WWOX: variants seen among roughly 807,000 people sequenced by gnomAD.
The protein encoded by WWOX is WW domain-containing oxidoreductase.
In WWOX, 69 loss-of-function variants were observed where a neutral mutation model predicts 46.2. That is an observed-to-expected ratio of 1.49 (90% confidence interval 1.23 to 1.82). WWOX has a LOEUF of 1.82. WWOX is among the 40% of genes most tolerant of loss of function. The probability of loss-of-function intolerance (pLI) is 0.00; values close to 1 mark genes in which losing one functional copy is unlikely to be tolerated. For missense variants in WWOX, 919 were observed against 542.6 expected (o/e 1.69, Z -6.89); for synonymous variants, 359 against 202.6 (o/e 1.77, Z -6.56).
chr16:78,576,885 G>A (rs1327158067), intron 8 of WWOX, among the ~76,000 whole-genome samples: 1 of 152,082 alleles, frequency 6.6e-6, no homozygotes, highest in South Asian at 2.1e-4. Context: ...TCCTTCTAAG[G>A]CTAACATTTC....
At chr16:78,744,133 C>T (rs1392939300) in intron 8 of WWOX, among the ~76,000 whole-genome samples, 1 of 152,070 alleles carries the variant, frequency 6.6e-6, no homozygotes, top group African/African-American at 2.4e-5. Flanking sequence ...GCTCTGAGAA[C>T]ACAGTAAACA....
At chr16:78,116,448 A>G (rs924610000) in intron 4 of WWOX, among the ~76,000 whole-genome samples, 1 of 152,176 alleles carries the variant, frequency 6.6e-6, no homozygotes, top group Non-Finnish European at 1.5e-5. Context: ...TTTTTACTGT[A>G]CTTGCCTATG....
At chr16:78,292,828 A>G (rs548422859) in intron 5 of WWOX, among the ~76,000 whole-genome samples, 2 of 152,316 alleles carry the variant, frequency 1.3e-5, no homozygotes, top group South Asian at 4.1e-4. Context: ...TCATTAAAAT[A>G]CTTTGTAAGG....
chr16:78,771,719 C>T (rs536402555), intron 8 of WWOX, among the ~76,000 whole-genome samples: 194 of 152,030 alleles, frequency 1.3e-3, no homozygotes, highest in Middle Eastern at 3.4e-3. Flanking sequence ...TTGCAGTGAG[C>T]CAAGATTGTG....
At chr16:78,368,355 C>A (rs779932664) in intron 5 of WWOX, among the ~76,000 whole-genome samples, 4 of 152,212 alleles carry the variant, frequency 2.6e-5, no homozygotes, top group Non-Finnish European at 5.9e-5. Context: ...AATTTCCCCA[C>A]ATGCCCTTCT....
chr16:79,043,886 G>A (rs892382478), intron 8 of WWOX, among the ~76,000 whole-genome samples: 3 of 152,216 alleles, frequency 2.0e-5, no homozygotes, highest in African/African-American at 2.4e-5. Context: ...TCCAAGGCCA[G>A]TAGTTGTAGC....
intron 8 of WWOX, among the ~76,000 whole-genome samples, chr16:79,160,857 C>T (rs187651499): frequency 2.5e-4 from 38 of 149,108 alleles, no homozygotes; most frequent in East Asian, 1.9e-3. Flanking sequence ...TACGTATACA[C>T]GCACACATAC....
intron 5 of WWOX, among the ~76,000 whole-genome samples, chr16:78,329,288 C>T (rs572800180): frequency 1.3e-5 from 2 of 152,254 alleles, no homozygotes; most frequent in Non-Finnish European, 2.9e-5. Context: ...TACTTTTGTC[C>T]AGCCAGTTCT....
chr16:78,192,371 G>A lies in WWOX; in HGVS notation c.516+28082G>A, dbSNP rs11643427. Among the ~76,000 whole-genome samples, 1,422 of 151,528 alleles carry A rather than the reference G, an allele frequency of 9.4e-3. 17 individuals are homozygous for A. Among genetic ancestry groups the A allele is most frequent in the Non-Finnish European group, 0.015 (1,018 of 67,908 alleles). ...TTAGGCTTGGTGGCACGTGCCTGTA[G>A]TCCCAAGCTACTCAGGAGGCTGAGG... On this transcript the variant is annotated intron_variant, in intron 5 of 8. Coordinates refer to ENST00000566780, the MANE Select transcript of WWOX (RefSeq NM_016373.4).
At chr16:78,206,464 TTTACCTTCAA>T (rs2036399575) in intron 5 of WWOX, among the ~76,000 whole-genome samples, 1 of 152,156 alleles carries the variant, frequency 6.6e-6, no homozygotes, top group East Asian at 1.9e-4. Context: ...CATTTTGGTC[TTTACCTTCAA>T]AAGACGGGAG....
intron 8 of WWOX, among the ~76,000 whole-genome samples, chr16:79,026,870 C>G (rs746323855): frequency 8.0e-4 from 119 of 149,036 alleles, no homozygotes; most frequent in Non-Finnish European, 1.4e-3. Flanking sequence ...ACCTTGTGAT[C>G]TGCCCACCTC....
intron 8 of WWOX, among the ~76,000 whole-genome samples, chr16:78,825,022 C>T (rs747754325): frequency 3.9e-5 from 6 of 152,174 alleles, no homozygotes; most frequent in Non-Finnish European, 7.3e-5. Flanking sequence ...TGTGGTTTCT[C>T]TCTCACCATC....
At chr16:79,135,877 C>T (rs1019375598) in intron 8 of WWOX, among the ~76,000 whole-genome samples, 1 of 152,114 alleles carries the variant, frequency 6.6e-6, no homozygotes, top group African/African-American at 2.4e-5. Context: ...AACTGCCTTT[C>T]CATATTCTCG....
At chr16:78,358,328 T>C (rs1043350336) in intron 5 of WWOX, among the ~76,000 whole-genome samples, 1 of 152,210 alleles carries the variant, frequency 6.6e-6, no homozygotes, top group African/African-American at 2.4e-5. Flanking sequence ...TGAATTACTT[T>C]CCTTGATTGC....
At chr16:79,154,136 G>C (rs555733231) in intron 8 of WWOX, among the ~76,000 whole-genome samples, 21 of 152,306 alleles carry the variant, frequency 1.4e-4, no homozygotes, top group South Asian at 6.2e-4. Context: ...TTCAATGTCA[G>C]AGCCCTAAAT....
chr16:78,776,951 C>T (rs531568361), intron 8 of WWOX, among the ~76,000 whole-genome samples: 3 of 152,248 alleles, frequency 2.0e-5, no homozygotes, highest in Non-Finnish European at 4.4e-5. Context: ...TATTACAATT[C>T]GAGATGAGAT....
At chr16:78,811,487 C>G (rs552171496) in intron 8 of WWOX, among the ~76,000 whole-genome samples, 18 of 151,754 alleles carry the variant, frequency 1.2e-4, no homozygotes, top group Admixed American at 9.2e-4. Context: ...CTTTCTCTCT[C>G]CCTCCCTCTT....
At chr16:78,908,232 G>T (rs1444897522) in intron 8 of WWOX, among the ~76,000 whole-genome samples, 2 of 152,018 alleles carry the variant, frequency 1.3e-5, no homozygotes, top group Admixed American at 1.3e-4. Context: ...TCAAGACAGG[G>T]GGATTGCCAT....
chr16:78,568,483 T>C (rs2044632230), intron 8 of WWOX, among the ~76,000 whole-genome samples: 1 of 150,506 alleles, frequency 6.6e-6, no homozygotes. Flanking sequence ...ACTTTTTTTT[T>C]TTTTTTTTTT....
Sources: gnomAD v4.1 joint callset for allele counts (sites outside exome capture counted in the v4.1 genomes callset) on GRCh38, gnomAD v4.1.1 for gene constraint, MANE v1.5 for transcripts, NCBI Gene and HGNC (gene_info 2026-07-23, HGNC 2026-07-21) for gene names.